ECPAS: variants seen among roughly 807,000 people sequenced by gnomAD.
ECPAS encodes the protein Ecm29 proteasome adaptor and scaffold, also known as proteasome adapter and scaffold protein ECM29.
A neutral mutation model predicts 255.1 loss-of-function variants in ECPAS; 70 were observed. The observed-to-expected ratio is 0.27, with a 90% CI of 0.23 to 0.33. The LOEUF (loss-of-function observed/expected upper bound fraction) is 0.33. Among genes scored for constraint, ECPAS ranks in the 10% least tolerant of loss-of-function variants. The pLI is 1.00. For missense variants in ECPAS, 1,817 were observed against 2,206.4 expected (o/e 0.82, Z 3.54); for synonymous variants, 784 against 775.0 (o/e 1.01, Z -0.19).
intron 24 of ECPAS, among the ~76,000 whole-genome samples, chr9:111,403,595 G>A (rs2098179573): frequency 6.7e-6 from 1 of 149,608 alleles, no homozygotes; most frequent in African/African-American, 2.5e-5. Flanking sequence ...CACTATTGGA[G>A]CACTCAAACG....
rs561860423 is a variant in ECPAS at position 111,387,806 on chromosome 9, GTTA to G, written c.3448-1353_3448-1351del. Among the ~76,000 whole-genome samples, 776 of 151,476 alleles carry G rather than the reference GTTA, an allele frequency of 5.1e-3. 7 individuals are homozygous for G. The highest frequency in any genetic ancestry group is 0.018 in the African/African-American group (727 of 41,178). ...CAGAGTCTCACTCATCATCAGTGCA[GTTA>G]TTGAGGGACAGAGTCTCACTCATCG... On this transcript the variant is annotated intron_variant, in intron 31 of 49. Transcript: ENST00000684092.
chr9:111,416,155 T>C lies in ECPAS; in HGVS notation c.1764+117A>G, dbSNP rs115494456. On this transcript the variant is annotated intron_variant, in intron 18 of 49. Coordinates refer to ENST00000684092, the MANE Select transcript of ECPAS (RefSeq NM_001364929.1). The stretch of plus-strand genomic sequence containing the variant: ...AAATAAACAACCCGATGAAGAACAA[T>C]GACACCACAATATGGGTTTACCTAA... The C allele has an allele frequency of 8.9e-4, 578 of 649,996 alleles. 6 individuals carry two copies. The African/African-American group carries it at 9.5e-3, about 11-fold the overall frequency. 40.3% of individuals were successfully genotyped at this position (649,996 alleles called of 1,614,324 possible). A position where few individuals can be genotyped will look rare whatever the true frequency, so the allele number is the denominator to read the frequency against.
chr9:111,369,858 A>G (rs1012353235), intron 45 of ECPAS, among the ~76,000 whole-genome samples: 13 of 152,262 alleles, frequency 8.5e-5, no homozygotes, highest in Non-Finnish European at 1.9e-4. Flanking sequence ...CACATGGCAC[A>G]CTGAGCTTCT....
intron 24 of ECPAS, among the ~76,000 whole-genome samples, chr9:111,402,464 C>T (rs1198447717): frequency 6.6e-6 from 1 of 152,322 alleles, no homozygotes; most frequent in Middle Eastern, 3.4e-3. Flanking sequence ...ACTAAAGACA[C>T]TCTAATACTG....
At chr9:111,457,366 G>C (rs1327773677) in intron 2 of ECPAS, among the ~76,000 whole-genome samples, 4 of 152,158 alleles carry the variant, frequency 2.6e-5, no homozygotes, top group African/African-American at 9.7e-5. Flanking sequence ...AAAGCCACTA[G>C]AGAGAAAGAA....
chr9:111,442,070 GCA>G (rs1390213289), intron 5 of ECPAS, among the ~76,000 whole-genome samples: 2 of 152,122 alleles, frequency 1.3e-5, no homozygotes, highest in Non-Finnish European at 1.5e-5. Flanking sequence ...CCAAAAAAAT[GCA>G]CAGACTTAGA....
intron 5 of ECPAS, among the ~76,000 whole-genome samples, chr9:111,441,556 A>C (rs2098246041): frequency 6.6e-6 from 1 of 152,204 alleles, no homozygotes; most frequent in Non-Finnish European, 1.5e-5. Context: ...ATTAAAAATC[A>C]ATCATATTAA....
chr9:111,398,670 C>T (rs2098171069), intron 24 of ECPAS, among the ~76,000 whole-genome samples: 1 of 152,150 alleles, frequency 6.6e-6, no homozygotes, highest in Admixed American at 6.5e-5. Flanking sequence ...GGTGCAGTGG[C>T]TCACACCTGT....
intron 2 of ECPAS, among the ~76,000 whole-genome samples, chr9:111,462,938 C>T (rs1168330627): frequency 2.0e-5 from 3 of 152,124 alleles, no homozygotes; most frequent in South Asian, 2.1e-4. Flanking sequence ...GATGCAGTTT[C>T]GCCATGTTGG....
Position 111,360,690 on chromosome 9 carries a change from G to C in ECPAS, c.*1340C>G, listed in dbSNP as rs2098112493. 6.6e-6 allele frequency: 1 copy of C among 152,096 alleles called. No individual in the cohort carries two copies. Among genetic ancestry groups the C allele is most frequent in the South Asian group, 2.1e-4 (1 of 4,826 alleles). The allele number at this position is 152,096 out of a possible 1,614,324, so 9.4% of individuals were successfully genotyped here. ...TACACACACAAACACACATGTTCTG[G>C]GTCGTGATGTAAAAAGTTATTTTTA... On this transcript the variant is annotated 3_prime_UTR_variant, in exon 50 of 50. Transcript: ENST00000684092.
At chr9:111,394,778 G>A (rs2098165249) in intron 25 of ECPAS, among the ~76,000 whole-genome samples, 1 of 152,112 alleles carries the variant, frequency 6.6e-6, no homozygotes, top group South Asian at 2.1e-4. Flanking sequence ...AGCATCCTGT[G>A]CCTTCACCCA....
intron 1 of ECPAS, among the ~76,000 whole-genome samples, chr9:111,482,918 G>A (rs969141017): frequency 6.6e-6 from 1 of 152,110 alleles, no homozygotes; most frequent in Non-Finnish European, 1.5e-5. Context: ...CGATCGAGGG[G>A]GCACTAACTC....
intron 16 of ECPAS, among the ~76,000 whole-genome samples, chr9:111,418,738 G>C (rs979387900): frequency 2.0e-5 from 3 of 152,188 alleles, no homozygotes. Flanking sequence ...AGCACTTACA[G>C]AGTAAGATAC....
intron 10 of ECPAS, among the ~76,000 whole-genome samples, chr9:111,426,145 G>C (rs1589181124): frequency 6.6e-6 from 1 of 152,074 alleles, no homozygotes; most frequent in East Asian, 1.9e-4. Context: ...ATATGATTCA[G>C]GACAAATTCT....
In ECPAS at chr9:111,370,426, T is replaced by G. The variant is rs1172623716; in HGVS notation, c.4974+9A>C. The G allele has an allele frequency of 1.3e-6, 2 of 1,544,476 alleles. No individual in the cohort carries two copies. The highest frequency in any genetic ancestry group is 1.9e-5 in the Admixed American group (1 of 51,960). Reference sequence around the variant, plus strand: ...TATAAACCAGAACTGAGGATACAGGTGGTATTACCTTCTTGATGAGAGGTA... The same window carrying G: ...TATAAACCAGAACTGAGGATACAGGGGGTATTACCTTCTTGATGAGAGGTA... On this transcript the variant is annotated intron_variant, in intron 45 of 49. Transcript: ENST00000684092.
intron 6 of ECPAS, among the ~76,000 whole-genome samples, chr9:111,439,149 C>T (rs566332719): frequency 6.6e-6 from 1 of 152,216 alleles, no homozygotes; most frequent in African/African-American, 2.4e-5. Context: ...GCCATATAGG[C>T]GGGTGTTTTG....
intron 45 of ECPAS, among the ~76,000 whole-genome samples, chr9:111,370,063 G>C (rs1226133951): frequency 6.6e-6 from 1 of 152,224 alleles, no homozygotes; most frequent in African/African-American, 2.4e-5. Flanking sequence ...ATAAGTCAAA[G>C]TGCCATCTAG....
At chr9:111,478,223 G>A (rs191642694) in intron 1 of ECPAS, among the ~76,000 whole-genome samples, 22 of 151,466 alleles carry the variant, frequency 1.5e-4, no homozygotes, top group African/African-American at 5.3e-4. Context: ...CATGCTCAAT[G>A]GTATTACTCA....
At chr9:111,407,620 C>T (rs191988228) in intron 24 of ECPAS, among the ~76,000 whole-genome samples, 22 of 152,088 alleles carry the variant, frequency 1.4e-4, no homozygotes, top group African/African-American at 5.3e-4. Context: ...CTCTCTTACT[C>T]GGGTGCCTCA....
Sources: allele counts gnomAD v4.1 joint callset (sites outside exome capture counted in the v4.1 genomes callset), GRCh38; gene constraint gnomAD v4.1.1; transcripts MANE v1.5; gene names NCBI Gene and HGNC (gene_info 2026-07-23, HGNC 2026-07-21).